Variants in PPIG observed in about 807,000 individuals in gnomAD.
The protein encoded by PPIG is peptidylprolyl isomerase G, also known as peptidyl-prolyl cis-trans isomerase G.
PPIG carries 26 observed loss-of-function variants against 87.9 expected under a neutral mutation model. That is an observed-to-expected ratio of 0.30 (90% CI 0.22 to 0.41). The LOEUF is 0.41. Among genes scored for constraint, PPIG ranks in the 10% least tolerant of loss-of-function variants. The probability of loss-of-function intolerance (pLI) is 1.00; values close to 1 mark genes in which losing one functional copy is unlikely to be tolerated. For missense variants in PPIG, 722 were observed against 879.4 expected, an observed-to-expected ratio of 0.82 and a Z score of 2.26; for synonymous variants, 308 against 276.5, an observed-to-expected ratio of 1.11 and a Z score of -1.13.
In PPIG at chr2:169,639,231, G is replaced by A. The variant is rs1686258445; in HGVS notation, c.*1708G>A. The A allele has an allele frequency of 6.6e-6, 1 of 151,942 alleles. No individual in the cohort carries two copies. The highest frequency in any genetic ancestry group is 2.4e-5 in the African/African-American group (1 of 41,398). The allele number at this position is 151,942 out of a possible 1,614,324, so 9.4% of individuals were successfully genotyped here. A position where few individuals can be genotyped will look rare whatever the true frequency, so the allele number is the denominator to read the frequency against. On this transcript the variant is annotated 3_prime_UTR_variant, in exon 14 of 14. Coordinates refer to ENST00000260970, the MANE Select transcript of PPIG (RefSeq NM_004792.3). ...AAAATCCAAGGTGATTGATTCCTTA[G>A]AGACTGACCACAAACCCACATTAGG... is the stretch of plus-strand genomic sequence containing the variant.
intron 1 of PPIG, among the ~76,000 whole-genome samples, chr2:169,602,571 C>G (rs1270064807): frequency 6.6e-6 from 1 of 152,144 alleles, no homozygotes. Flanking sequence ...CTCAGCCCCC[C>G]AAAGTGCTGG....
intron 9 of PPIG, among the ~76,000 whole-genome samples, chr2:169,628,991 A>G (rs1485112283): frequency 2.0e-5 from 3 of 151,040 alleles, no homozygotes; most frequent in Non-Finnish European, 4.4e-5. Flanking sequence ...TTTTCCAAAT[A>G]CCAAATCTTC....
intron 1 of PPIG, among the ~76,000 whole-genome samples, chr2:169,595,359 G>A (rs2683428): frequency 0.89 from 135,472 of 152,316 alleles, 60,396 homozygotes; most frequent in East Asian, 0.98. Context: ...TAATGATCAC[G>A]TTAGACTGAA....
At chr2:169,632,630 A>G (rs1166674543) in intron 11 of PPIG, among the ~76,000 whole-genome samples, 1 of 151,844 alleles carries the variant, frequency 6.6e-6, no homozygotes, top group African/African-American at 2.4e-5. Context: ...AGTCCCAGCT[A>G]CTCAGGAGGC....
intron 12 of PPIG, 73 bp from the exon 13 acceptor site, chr2:169,636,019 C>T: frequency 2.5e-6 from 3 of 1,207,206 alleles, no homozygotes; most frequent in Admixed American, 2.6e-5. Context: ...CAGTACTTCC[C>T]TCCCTCCCAG....
At chr2:169,598,115 C>T (rs1685073324) in intron 1 of PPIG, among the ~76,000 whole-genome samples, 1 of 151,928 alleles carries the variant, frequency 6.6e-6, no homozygotes, top group African/African-American at 2.4e-5. Context: ...ATCCTCCTGC[C>T]TCAGCCTCCC....
intron 9 of PPIG, among the ~76,000 whole-genome samples, chr2:169,625,726 C>T (rs2105512493): frequency 6.6e-6 from 1 of 151,470 alleles, no homozygotes; most frequent in African/African-American, 2.4e-5. Flanking sequence ...TTCCTTTAAC[C>T]AATTTTTTTT....
chr2:169,625,930 A>G (rs1190964677), intron 9 of PPIG, among the ~76,000 whole-genome samples: 2 of 152,056 alleles, frequency 1.3e-5, no homozygotes, highest in Non-Finnish European at 2.9e-5. Flanking sequence ...TCCTCTGAAA[A>G]TCTAATGCTG....
chr2:169,606,591 C>CAAAAAAAAAAAAAAAAA lies in PPIG; in HGVS notation c.244+446_244+462dup, dbSNP rs71006009. Reference sequence around the variant, plus strand: ...TGAATGACAGAGCAAGACTCTGTCTCAAAAAAAAAAAAAAAAAGAAGGAAG... The same window carrying CAAAAAAAAAAAAAAAAA: ...TGAATGACAGAGCAAGACTCTGTCTCAAAAAAAAAAAAAAAAAAAAAAAAAAAAAAAAAAGAAGGAAG... On this transcript the variant is annotated intron_variant, in intron 5 of 13. Coordinates refer to ENST00000260970, the MANE Select transcript of PPIG (RefSeq NM_004792.3). 1.5e-3 allele frequency among the ~76,000 whole-genome samples: 131 copies of CAAAAAAAAAAAAAAAAA among 84,984 alleles called. 2 individuals carry two copies. Among genetic ancestry groups the CAAAAAAAAAAAAAAAAA allele is most frequent in the African/African-American group, 6.1e-3 (112 of 18,284 alleles). 55.8% of individuals were successfully genotyped at this position (84,984 alleles called of 152,430 possible).
intron 4 of PPIG, 65 bp downstream of exon 4, chr2:169,604,326 GGTTTT>G: frequency 4.1e-6 from 2 of 488,302 alleles, no homozygotes; most frequent in Non-Finnish European, 3.1e-6. Context: ...TTGCTTGCTT[GGTTTT>G]TTTTTTTTTT....
At chr2:169,634,276 G>A (rs1288315358) in intron 12 of PPIG, among the ~76,000 whole-genome samples, 3 of 151,954 alleles carry the variant, frequency 2.0e-5, no homozygotes, top group Non-Finnish European at 4.4e-5. Context: ...TGCCCAGACT[G>A]GTCTTGAACT....
In PPIG at chr2:169,637,164, A is replaced by G. The variant is rs781144103; in HGVS notation, c.1906A>G (p.Ser636Gly). 10 of 1,613,016 alleles carry G rather than the reference A, an allele frequency of 6.2e-6. No individual in the cohort carries two copies. Among genetic ancestry groups the G allele is most frequent in the Admixed American group, 1.7e-5 (1 of 59,764 alleles). ...CTCACGGAGCTCAGAGAGAGAAGAA[A>G]GTCAAAGCAGAAACAAAGACAAATA... is the stretch of plus-strand genomic sequence containing the variant. Reference protein sequence around the residue: ...RDSRSSEREESQSRNKDKYRN... With the variant: ...RDSRSSEREEGQSRNKDKYRN... The change falls in exon 14 of 14, where the codon AGT becomes GGT. Residue 636 changes from serine to glycine, a missense_variant. Coordinates refer to ENST00000260970, the MANE Select transcript of PPIG (RefSeq NM_004792.3).
At chr2:169,590,055 G>T (rs1474340963) in intron 1 of PPIG, among the ~76,000 whole-genome samples, 4 of 151,520 alleles carry the variant, frequency 2.6e-5, no homozygotes, top group Non-Finnish European at 5.9e-5. Context: ...GTTGTGGTGA[G>T]CTGAGATTGC....
At chr2:169,598,879 A>G (rs1026871436) in intron 1 of PPIG, among the ~76,000 whole-genome samples, 3 of 149,648 alleles carry the variant, frequency 2.0e-5, no homozygotes, top group Non-Finnish European at 4.4e-5. Context: ...ATATAAATAC[A>G]GGTAAATATA....
chr2:169,622,053 A>G (rs1056978368), intron 9 of PPIG, among the ~76,000 whole-genome samples: 5 of 152,100 alleles, frequency 3.3e-5, no homozygotes, highest in African/African-American at 1.2e-4. Flanking sequence ...ACAAGGCCCC[A>G]TCTCTAAAAA....
chr2:169,622,322 A>G (rs1685779903), intron 9 of PPIG, among the ~76,000 whole-genome samples: 1 of 152,224 alleles, frequency 6.6e-6, no homozygotes, highest in Non-Finnish European at 1.5e-5. Context: ...TCTCTAATAA[A>G]TTTGTTGTAA....
In PPIG at chr2:169,636,745, A is replaced by T. The variant is rs1553468543; in HGVS notation, c.1487A>T (p.Asn496Ile). 6.2e-7 allele frequency: 1 copy of T among 1,612,342 alleles called. No homozygotes were observed. The highest frequency in any genetic ancestry group is 1.7e-5 in the Admixed American group (1 of 59,704). Residue 496 changes from asparagine (N) to isoleucine (I), a missense_variant, in exon 14 of 14, where the codon AAT becomes ATT. Asn to Ile is a moderately radical substitution (Grantham distance 149). Coordinates refer to ENST00000260970, the MANE Select transcript of PPIG (RefSeq NM_004792.3). ...RSRSKGRDHE[N>I]VKEKEKQSDS... ...AGGAGTAAAGGAAGGGATCATGAAA[A>T]TGTTAAAGAAAAAGAAAAGCAGTCT...
chr2:169,615,596 TATAAC>T (rs768396509), intron 9 of PPIG, among the ~76,000 whole-genome samples: 1 of 152,246 alleles, frequency 6.6e-6, no homozygotes, highest in African/African-American at 2.4e-5. Flanking sequence ...GCCTATTTCA[TATAAC>T]ATAACTTCCT....
chr2:169,632,652 A>T (rs1302612014), intron 11 of PPIG, among the ~76,000 whole-genome samples: 1 of 151,980 alleles, frequency 6.6e-6, no homozygotes, highest in East Asian at 1.9e-4. Flanking sequence ...GAGGCAGGAG[A>T]ATGGCATAAG....
Sources: gnomAD v4.1 joint callset for allele counts (sites outside exome capture counted in the v4.1 genomes callset) on GRCh38, gnomAD v4.1.1 for gene constraint, MANE v1.5 for transcripts, NCBI Gene and HGNC (gene_info 2026-07-23, HGNC 2026-07-21) for gene names.